SNX29: variants seen among roughly 807,000 people sequenced by gnomAD.
SNX29 encodes the protein sorting nexin 29.
In SNX29, 78 loss-of-function variants were observed where a neutral mutation model predicts 102.1. That is an observed-to-expected ratio of 0.76 (90% CI 0.64 to 0.92). SNX29 has a LOEUF of 0.92. SNX29 is among the 40% of genes least tolerant of loss of function. SNX29 has a pLI of 0.00. For synonymous variants in SNX29, 580 were observed against 414.5 expected (o/e 1.40, Z -4.85); for missense variants, 1,280 against 1,061.7 (o/e 1.21, Z -2.86).
At chr16:12,311,447 C>T (rs1346045465) in intron 15 of SNX29, among the ~76,000 whole-genome samples, 1 of 152,260 alleles carries the variant, frequency 6.6e-6, no homozygotes, top group East Asian at 1.9e-4. Context: ...GTCCTCCTTT[C>T]CTGGCTCCTG....
chr16:12,555,954 G>T (rs1045120919), intron 20 of SNX29, among the ~76,000 whole-genome samples: 10 of 151,978 alleles, frequency 6.6e-5, no homozygotes, highest in Admixed American at 5.9e-4. Flanking sequence ...ACACCAACTT[G>T]TAACACCATC....
intron 20 of SNX29, among the ~76,000 whole-genome samples, chr16:12,560,297 A>T (rs979849040): frequency 1.1e-4 from 16 of 152,178 alleles, no homozygotes; most frequent in African/African-American, 3.6e-4. Flanking sequence ...TATTGAAAGC[A>T]CACTCAAAAT....
At chr16:12,357,954 C>T (rs1440314954) in intron 16 of SNX29, among the ~76,000 whole-genome samples, 1 of 152,166 alleles carries the variant, frequency 6.6e-6, no homozygotes, top group East Asian at 1.9e-4. Context: ...GGCTTGGATT[C>T]AGGTTTAATT....
rs754616431 is a variant in SNX29 at position 12,066,650 on chromosome 16, C to A, written c.1244-2407C>A. On this transcript the variant is annotated intron_variant, in intron 9 of 20. Transcript: ENST00000566228. ...GCCTTGGGGCCATGATTCAGGGCCA[C>A]CTTCACTCAGGAATCAGAGAAAAGA... Among the ~76,000 whole-genome samples, 186 of 151,788 alleles carry A rather than the reference C, an allele frequency of 1.2e-3. 1 individual carries two copies. Among genetic ancestry groups the A allele is most frequent in the Non-Finnish European group, 1.1e-3 (78 of 67,960 alleles).
At chr16:12,541,489 A>C (rs1597842942) in intron 20 of SNX29, among the ~76,000 whole-genome samples, 1 of 151,846 alleles carries the variant, frequency 6.6e-6, no homozygotes, top group African/African-American at 2.4e-5. Context: ...TCAGACCCAG[A>C]CCTCTGTGAT....
At chr16:12,417,000 G>A (rs890880212) in intron 18 of SNX29, among the ~76,000 whole-genome samples, 1 of 152,196 alleles carries the variant, frequency 6.6e-6, no homozygotes, top group Non-Finnish European at 1.5e-5. Context: ...AACATTTATG[G>A]AGCCCCTGCT....
intron 20 of SNX29, chr16:12,546,699 G>A (rs1032361032): frequency 6.6e-6 from 1 of 152,186 alleles, no homozygotes; most frequent in African/African-American, 2.4e-5. Context: ...GACCCACTGT[G>A]ATTAAAGCTA....
chr16:12,240,964 A>G (rs2078086602), intron 14 of SNX29, among the ~76,000 whole-genome samples: 1 of 151,830 alleles, frequency 6.6e-6, no homozygotes, highest in Non-Finnish European at 1.5e-5. Flanking sequence ...AATTATTTTG[A>G]CCCATAGTGG....
At chr16:12,352,810 A>C (rs933571729) in intron 15 of SNX29, among the ~76,000 whole-genome samples, 2 of 152,120 alleles carry the variant, frequency 1.3e-5, no homozygotes, top group Non-Finnish European at 2.9e-5. Flanking sequence ...CCTGGCATTT[A>C]CTTTTGATTT....
chr16:12,565,365 C>G (rs925671929), intron 20 of SNX29, among the ~76,000 whole-genome samples: 3 of 152,206 alleles, frequency 2.0e-5, no homozygotes, highest in Non-Finnish European at 2.9e-5. Context: ...ACTGAAGCCC[C>G]TGGTCTAGCC....
intron 15 of SNX29, among the ~76,000 whole-genome samples, chr16:12,355,227 C>T (rs545392380): frequency 3.9e-5 from 6 of 152,212 alleles, no homozygotes; most frequent in South Asian, 2.1e-4. Context: ...ACCCTTCATA[C>T]AACAACAAAA....
chr16:12,373,206 C>T (rs929863155), intron 16 of SNX29, among the ~76,000 whole-genome samples: 10 of 152,280 alleles, frequency 6.6e-5, no homozygotes, highest in Admixed American at 4.6e-4. Flanking sequence ...AGTCATAGCT[C>T]GCTGCAGCCT....
intron 14 of SNX29, among the ~76,000 whole-genome samples, chr16:12,268,574 G>C (rs1046379283): frequency 6.6e-6 from 1 of 152,126 alleles, no homozygotes; most frequent in African/African-American, 2.4e-5. Flanking sequence ...CATCTCACCT[G>C]GAAGGGTCCT....
intron 3 of SNX29, among the ~76,000 whole-genome samples, chr16:12,007,629 G>C (rs1436208256): frequency 6.6e-6 from 1 of 152,160 alleles, no homozygotes; most frequent in African/African-American, 2.4e-5. Flanking sequence ...TAGCTGGCCC[G>C]GCCCTGGAGT....
Position 12,048,466 on chromosome 16 carries a change from G to T in SNX29, c.594G>T (p.Glu198Asp). ...FAPTVSDLLK[E>D]STQNVTSLLK... is the part of the protein sequence containing the mutation. ...CCACCGTTTCAGACCTCTTAAAGGA[G>T]TCAACGCAGAACGTGACCTCCTTGC... Residue 198 changes from glutamate (E) to aspartate (D), a missense_variant, in exon 7 of 21, where the codon GAG (glutamate) becomes GAT (aspartate). Glu to Asp is a conservative substitution (Grantham distance 45). Coordinates refer to ENST00000566228, the MANE Select transcript of SNX29 (RefSeq NM_032167.5). 1 of 1,613,930 alleles carries T rather than the reference G, an allele frequency of 6.2e-7. No individual in the cohort carries two copies. The highest frequency in any genetic ancestry group is 8.5e-7 in the Non-Finnish European group (1 of 1,179,868).
chr16:12,443,153 C>T (rs372873453), intron 18 of SNX29: 170 of 396,970 alleles, frequency 4.3e-4, no homozygotes, highest in African/African-American at 2.8e-3. Context: ...CTAGGGCCTG[C>T]GTGGGCTTTC....
chr16:12,131,526 G>A (rs1221853567), intron 13 of SNX29, among the ~76,000 whole-genome samples: 1 of 152,070 alleles, frequency 6.6e-6, no homozygotes, highest in Non-Finnish European at 1.5e-5. Context: ...ACCTGGATGT[G>A]GTATTTGATT....
chr16:12,043,175 A>G, intron 5 of SNX29, 98 bp downstream of exon 5: 1 of 1,479,986 alleles, frequency 6.8e-7, no homozygotes, highest in Non-Finnish European at 9.1e-7. Flanking sequence ...TAGTTCCCCG[A>G]TCTGGGGGAA....
intron 11 of SNX29, among the ~76,000 whole-genome samples, chr16:12,103,709 C>G (rs957790382): frequency 6.6e-6 from 1 of 152,160 alleles, no homozygotes; most frequent in African/African-American, 2.4e-5. Context: ...AATTAAACTA[C>G]AGAGCTTCTG....
Sources: gnomAD v4.1 joint callset for allele counts (sites outside exome capture counted in the v4.1 genomes callset) on GRCh38, gnomAD v4.1.1 for gene constraint, MANE v1.5 for transcripts, NCBI Gene and HGNC (gene_info 2026-07-23, HGNC 2026-07-21) for gene names.